ATP11A: variants seen among roughly 807,000 people sequenced by gnomAD.
ATP11A encodes the protein phospholipid-transporting ATPase IH.
Under a neutral mutation model 154.4 loss-of-function variants are expected in ATP11A, and 81 were observed. The ratio of observed to expected loss-of-function variants is 0.52; its 90% CI spans 0.44 to 0.63. The LOEUF is 0.63. Among genes scored for constraint, ATP11A ranks in the 30% least tolerant of loss-of-function variants. The probability of loss-of-function intolerance (pLI) is 0.00; values close to 1 mark genes in which losing one functional copy is unlikely to be tolerated. For synonymous variants in ATP11A, 623 were observed against 585.9 expected (o/e 1.06, Z -0.91); for missense variants, 1,316 against 1,474.3 (o/e 0.89, Z 1.76).
intron 1 of ATP11A, among the ~76,000 whole-genome samples, chr13:112,720,836 C>G (rs1282244283): frequency 6.6e-6 from 1 of 152,164 alleles, no homozygotes; most frequent in African/African-American, 2.4e-5. Flanking sequence ...GATTAGTCTT[C>G]CGTGATGTCT....
intron 11 of ATP11A, among the ~76,000 whole-genome samples, 167 bp downstream of exon 11, chr13:112,825,747 A>G (rs942003256): frequency 6.6e-6 from 1 of 152,222 alleles, no homozygotes; most frequent in African/African-American, 2.4e-5. Context: ...GTCTCAGTGG[A>G]CACCAGCTGC....
chr13:112,785,217 TC>T lies in ATP11A; in HGVS notation c.125del (p.Pro42HisfsTer31). 6.4e-7 allele frequency: 1 copy of T among 1,570,114 alleles called. No individual in the cohort carries two copies. Among genetic ancestry groups the T allele is most frequent in the Non-Finnish European group, 8.6e-7 (1 of 1,159,332 alleles). ...REPPPGAEAYIPQRYPDNRIV... is the reference protein window; with the variant it reads ...REPPPGAEAYXPQRYPDNRIV... The stretch of plus-strand genomic sequence containing the variant: ...CCACCTCCGGGCGCAGAGGCCTACA[TC>T]CCACAGAGATACCCAGACAACAGGA... On this transcript the variant is annotated frameshift_variant, in exon 2 of 30. Coordinates refer to ENST00000375645, the MANE Select transcript of ATP11A (RefSeq NM_015205.3). LOFTEE classifies it high-confidence loss of function. The surrounding 1 kb of genome is among the most constrained non-coding windows in gnomAD (Gnocchi z 4.8).
At chr13:112,727,908 G>A (rs1056923039) in intron 1 of ATP11A, among the ~76,000 whole-genome samples, 1 of 152,252 alleles carries the variant, frequency 6.6e-6, no homozygotes, top group Non-Finnish European at 1.5e-5. Flanking sequence ...TTGCGGAATC[G>A]AATTCTCCGT....
intron 2 of ATP11A, among the ~76,000 whole-genome samples, chr13:112,791,318 G>T (rs549520034): frequency 6.6e-6 from 1 of 152,246 alleles, no homozygotes; most frequent in African/African-American, 2.4e-5. Context: ...CATTTGAGCC[G>T]GATGGGGGCC....
intron 27 of ATP11A, among the ~76,000 whole-genome samples, chr13:112,873,944 A>T (rs2080631817): frequency 6.6e-6 from 1 of 152,222 alleles, no homozygotes; most frequent in African/African-American, 2.4e-5. Flanking sequence ...GGAACAGACC[A>T]GGATTCCGCA....
chr13:112,824,506 C>T, intron 10 of ATP11A, 81 bp downstream of exon 10: 1 of 1,323,904 alleles, frequency 7.6e-7, no homozygotes, highest in Non-Finnish European at 1.1e-6. Flanking sequence ...TCCTCTTGGC[C>T]TTATTGGCAG....
chr13:112,763,026 G>A (rs973398237), intron 1 of ATP11A, among the ~76,000 whole-genome samples: 1 of 152,222 alleles, frequency 6.6e-6, no homozygotes, highest in Non-Finnish European at 1.5e-5. Flanking sequence ...TTTGACAGAC[G>A]CAGAAAAGCG....
rs1270919165 is a variant in ATP11A, at chr13:112,690,701, T to TGGCCGC, written c.39+253_39+258dup. On this transcript the variant is annotated intron_variant, in intron 1 of 29. Coordinates refer to ENST00000375645, the MANE Select transcript of ATP11A (RefSeq NM_015205.3). This position sits in a 1 kb window ranked among gnomAD's most constrained non-coding sequence, Gnocchi z 5.6. Reference sequence around the variant, plus strand: ...CAGCCCCGGGCGGCCACCTGCTCCCTGGCCGCGGCCGCCTGGCGCCCCCTT... The same window carrying TGGCCGC: ...CAGCCCCGGGCGGCCACCTGCTCCCTGGCCGCGGCCGCGGCCGCCTGGCGCCCCCTT... Among the ~76,000 whole-genome samples the TGGCCGC allele has an allele frequency of 6.6e-6, 1 of 151,388 alleles. No individual in the cohort carries two copies. The highest frequency in any genetic ancestry group is 1.5e-5 in the Non-Finnish European group (1 of 67,772).
intron 1 of ATP11A, among the ~76,000 whole-genome samples, chr13:112,771,223 G>C (rs528822373): frequency 1.3e-5 from 2 of 152,310 alleles, no homozygotes; most frequent in East Asian, 1.9e-4. Context: ...CGTGACCCAC[G>C]GTGGAAAGTT....
chr13:112,695,127 A>T lies in ATP11A; in HGVS notation c.39+4672A>T, dbSNP rs994308169. On this transcript the variant is annotated intron_variant, in intron 1 of 29. Coordinates refer to ENST00000375645, the MANE Select transcript of ATP11A (RefSeq NM_015205.3). The stretch of plus-strand genomic sequence containing the variant: ...TTGGAGTTTCTTTTCCTAATCCAGG[A>T]TTAGACGATCCAGTGGGACCTTGCT... Among the ~76,000 whole-genome samples the T allele has an allele frequency of 2.5e-4, 38 of 152,314 alleles. 1 individual carries two copies. The highest frequency in any genetic ancestry group is 8.4e-4 in the African/African-American group (35 of 41,562).
chr13:112,838,265 G>A lies in ATP11A; in HGVS notation c.1705+2014G>A, dbSNP rs888032930. 2.0e-5 allele frequency among the ~76,000 whole-genome samples: 3 copies of A among 152,158 alleles called. No individual in the cohort carries two copies. The highest frequency in any genetic ancestry group is 2.1e-4 in the South Asian group (1 of 4,824). On this transcript the variant is annotated intron_variant, in intron 16 of 29. Coordinates refer to ENST00000375645, the MANE Select transcript of ATP11A (RefSeq NM_015205.3). This position sits in a 1 kb window ranked among gnomAD's most constrained non-coding sequence, Gnocchi z 7.3. The stretch of plus-strand genomic sequence containing the variant: ...CCACTCGGAGTTATCTGGGATAAAC[G>A]CATCCTGGGTGGGAAGTTCCTGGTC...
At chr13:112,827,541 T>C (rs2078964787) in intron 12 of ATP11A, among the ~76,000 whole-genome samples, 1 of 152,180 alleles carries the variant, frequency 6.6e-6, no homozygotes, top group South Asian at 2.1e-4. Context: ...TGAAGGGAGC[T>C]AGGGAAAGAC....
Position 112,873,650 on chromosome 13 carries a change from T to C in ATP11A, c.3135T>C (p.Phe1045=), listed in dbSNP as rs1366658131. 1.2e-6 allele frequency: 2 copies of C among 1,613,926 alleles called. No homozygotes were observed. The highest frequency in any genetic ancestry group is 1.7e-6 in the Non-Finnish European group (2 of 1,179,858). ...IWGSLLFYVV[F]SLLWGGVIWP... Reference sequence around the variant, plus strand: ...GGTCGCTGCTGTTCTACGTTGTCTTTTCGCTTCTCTGGGGAGGAGTGATCT... The same window carrying C: ...GGTCGCTGCTGTTCTACGTTGTCTTCTCGCTTCTCTGGGGAGGAGTGATCT... Residue 1045 remains phenylalanine (F), a synonymous_variant, in exon 27 of 30, where the codon TTT becomes TTC. Coordinates refer to ENST00000375645, the MANE Select transcript of ATP11A (RefSeq NM_015205.3).
chr13:112,762,163 T>C (rs561631145), intron 1 of ATP11A, among the ~76,000 whole-genome samples: 19 of 152,208 alleles, frequency 1.2e-4, no homozygotes, highest in Non-Finnish European at 1.9e-4. Context: ...ACAGGGCAGC[T>C]AACTGCAGAC....
intron 2 of ATP11A, among the ~76,000 whole-genome samples, chr13:112,787,676 T>C (rs372196343): frequency 0.043 from 2,792 of 65,184 alleles, 3 homozygotes; most frequent in African/African-American, 0.079. Flanking sequence ...CCTACTTAAT[T>C]CACACCGGGT....
intron 16 of ATP11A, 130 bp from the exon 17 acceptor site, chr13:112,842,146 C>T (rs745657185): frequency 2.9e-6 from 2 of 684,710 alleles, no homozygotes; most frequent in Middle Eastern, 3.4e-4. Flanking sequence ...TTAACTGGTC[C>T]ATTAAAATCT....
At position 112,856,060 on chromosome 13, in the gene ATP11A, G is replaced by A. The variant is rs1280321268; in HGVS notation, c.2393G>A (p.Arg798His). The A allele has an allele frequency of 1.4e-5, 22 of 1,613,092 alleles. No homozygotes were observed. The highest frequency in any genetic ancestry group is 1.6e-5 in the Non-Finnish European group (19 of 1,179,750). Residue 798 changes from arginine (R) to histidine (H), a missense_variant, in exon 20 of 30, where the codon CGC (arginine) becomes CAC (histidine). Arg to His is a conservative substitution (Grantham distance 29, BLOSUM62 0). This residue lies in a region of ATP11A where 876 missense variants were observed against 1,006.8 expected (regional missense o/e 0.87). Transcript: ENST00000375645. ...CRSCSAVLCC[R>H]MAPLQKAQIV... ...AGCTGCAGCGCGGTGCTCTGCTGCC[G>A]CATGGCGCCCTTGCAGAAGGCTCAG...
intron 2 of ATP11A, among the ~76,000 whole-genome samples, chr13:112,789,115 G>T (rs1299140382): frequency 1.3e-5 from 2 of 150,566 alleles, no homozygotes; most frequent in Non-Finnish European, 3.0e-5. Context: ...GTGTCCTGAT[G>T]TATAGACCCT....
At chr13:112,699,869 C>T (rs1886318441) in intron 1 of ATP11A, among the ~76,000 whole-genome samples, 1 of 152,080 alleles carries the variant, frequency 6.6e-6, no homozygotes, top group Admixed American at 6.5e-5. Context: ...TCTCTCTTGT[C>T]CTGGGTGGTG....
Sources: allele counts gnomAD v4.1 joint callset (sites outside exome capture counted in the v4.1 genomes callset), GRCh38; gene constraint gnomAD v4.1.1; regional missense constraint gnomAD v4.1.1; non-coding constraint Gnocchi (gnomAD v3.1); transcripts MANE v1.5; gene names NCBI Gene and HGNC (gene_info 2026-07-23, HGNC 2026-07-21).